The following LIN7A variants were observed in gnomAD, a reference collection of about 807,000 sequenced individuals.
LIN7A encodes lin-7 cell polarity scaffold A.
A neutral mutation model predicts 29.8 loss-of-function variants in LIN7A; 25 were observed. That is an observed-to-expected ratio of 0.84 (90% CI 0.61 to 1.17). LIN7A has a LOEUF of 1.17. LIN7A is among the 50% of genes most tolerant of loss of function. The pLI, the probability that LIN7A is intolerant of heterozygous loss-of-function variation, is 0.00. For synonymous variants in LIN7A, 118 were observed against 107.5 expected (o/e 1.10, Z -0.60); for missense variants, 239 against 287.0 (o/e 0.83, Z 1.21).
intron 4 of LIN7A, among the ~76,000 whole-genome samples, chr12:80,823,271 G>A (rs117120617): frequency 1.2e-3 from 178 of 152,314 alleles, no homozygotes; most frequent in Admixed American, 2.0e-3. Flanking sequence ...TGATGAGAAG[G>A]AGAGAGGAGC....
intron 2 of LIN7A, among the ~76,000 whole-genome samples, chr12:80,857,061 T>C (rs1338331729): frequency 2.6e-5 from 4 of 152,192 alleles, no homozygotes; most frequent in Admixed American, 2.6e-4. Flanking sequence ...ACTAGTGGTA[T>C]TGATAGTGTC....
intron 1 of LIN7A, among the ~76,000 whole-genome samples, chr12:80,901,548 C>T (rs1434965141): frequency 6.6e-6 from 1 of 151,766 alleles, no homozygotes; most frequent in African/African-American, 2.4e-5. Flanking sequence ...AGATTTTTTC[C>T]CTGTAATTAT....
intron 2 of LIN7A, among the ~76,000 whole-genome samples, chr12:80,876,693 A>G (rs573039118): frequency 6.6e-6 from 1 of 152,366 alleles, no homozygotes; most frequent in South Asian, 2.1e-4. Context: ...ATTGCATTGT[A>G]CATTCCATTG....
intron 1 of LIN7A, among the ~76,000 whole-genome samples, chr12:80,916,874 T>C (rs1877054773): frequency 6.6e-6 from 1 of 152,192 alleles, no homozygotes; most frequent in Admixed American, 6.5e-5. Flanking sequence ...TCTGAGGTAC[T>C]TCTTATTTAT....
intron 4 of LIN7A, among the ~76,000 whole-genome samples, chr12:80,826,556 T>G (rs1356773785): frequency 6.6e-6 from 1 of 152,164 alleles, no homozygotes; most frequent in Non-Finnish European, 1.5e-5. Context: ...GGAGTCTTTC[T>G]CTGTGGCTCA....
At chr12:80,894,612 T>C (rs141771944) in intron 1 of LIN7A, among the ~76,000 whole-genome samples, 7 of 152,210 alleles carry the variant, frequency 4.6e-5, no homozygotes, top group African/African-American at 1.7e-4. Flanking sequence ...AAACTACAGA[T>C]AAGGGGATAT....
intron 2 of LIN7A, among the ~76,000 whole-genome samples, chr12:80,875,815 A>G (rs1874655958): frequency 6.6e-6 from 1 of 152,206 alleles, no homozygotes; most frequent in Non-Finnish European, 1.5e-5. Flanking sequence ...TCAGTCTAAT[A>G]AGGTAGATGA....
At chr12:80,798,086 G>A (rs1870538899) in intron 5 of LIN7A, among the ~76,000 whole-genome samples, 1 of 152,184 alleles carries the variant, frequency 6.6e-6, no homozygotes, top group Non-Finnish European at 1.5e-5. Context: ...TTTTAGTAGT[G>A]CTTTTGTTGA....
chr12:80,889,742 A>G (rs1301921534), intron 1 of LIN7A, among the ~76,000 whole-genome samples: 4 of 151,928 alleles, frequency 2.6e-5, no homozygotes, highest in Non-Finnish European at 1.5e-5. Flanking sequence ...TTCCTTTCCC[A>G]TTTCAGTTTG....
rs12426046 is a variant in LIN7A, at chr12:80,882,793, G to T, written c.201+6458C>A. Among the ~76,000 whole-genome samples the T allele has an allele frequency of 1.6e-3, 244 of 152,118 alleles. 2 individuals are homozygous for T. Among genetic ancestry groups the T allele is most frequent in the Admixed American group, 0.013 (194 of 15,264 alleles). On this transcript the variant is annotated intron_variant, in intron 2 of 5. Transcript: ENST00000552864. ...TAAGCTAGGCACTGTATTAGTCAAGGTATGTAATCTGCTATCTCATTTTAT... is the reference window on the plus strand; with the variant it reads ...TAAGCTAGGCACTGTATTAGTCAAGTTATGTAATCTGCTATCTCATTTTAT...
chr12:80,902,217 G>GT (rs11410643), intron 1 of LIN7A, among the ~76,000 whole-genome samples: 59,128 of 125,458 alleles, frequency 0.47, 14,300 homozygotes, highest in East Asian at 0.66. Flanking sequence ...TGGTCTATGT[G>GT]TTTTTTTTTT....
chr12:80,912,874 T>A lies in LIN7A; in HGVS notation c.83-23505A>T, dbSNP rs373176385. ...ATGTGAGCTCACCTCCATACCTGCA[T>A]AAGCATTTTAGAAATTCTAAAACAT... On this transcript the variant is annotated intron_variant, in intron 1 of 5. Coordinates refer to ENST00000552864, the MANE Select transcript of LIN7A (RefSeq NM_004664.4). 2.6e-5 allele frequency among the ~76,000 whole-genome samples: 4 copies of A among 152,328 alleles called. No homozygotes were observed. In the East Asian group the frequency reaches 5.8e-4, roughly 22 times the overall value.
chr12:80,876,290 T>A (rs2120539513), intron 2 of LIN7A, among the ~76,000 whole-genome samples: 1 of 152,194 alleles, frequency 6.6e-6, no homozygotes, highest in Admixed American at 6.5e-5. Flanking sequence ...GATTCCTATG[T>A]GGAGACTATG....
chr12:80,905,828 T>A (rs931548059), intron 1 of LIN7A, among the ~76,000 whole-genome samples: 1 of 152,164 alleles, frequency 6.6e-6, no homozygotes, highest in African/African-American at 2.4e-5. Context: ...GTATTTCATT[T>A]TCTATTTCTT....
At chr12:80,920,107 T>G (rs933237624) in intron 1 of LIN7A, among the ~76,000 whole-genome samples, 5 of 152,094 alleles carry the variant, frequency 3.3e-5, no homozygotes, top group Non-Finnish European at 7.4e-5. Context: ...ATATAGTAAA[T>G]AGTTCACAGA....
At chr12:80,889,083 C>T (rs138407290) in intron 2 of LIN7A, among the ~76,000 whole-genome samples, 168 bp downstream of exon 2, 95 of 152,152 alleles carry the variant, frequency 6.2e-4, no homozygotes, top group African/African-American at 2.2e-3. Flanking sequence ...CTGGCTGGAT[C>T]TAATTTAGCA....
At chr12:80,909,272 A>T (rs1876636099) in intron 1 of LIN7A, among the ~76,000 whole-genome samples, 1 of 152,178 alleles carries the variant, frequency 6.6e-6, no homozygotes, top group East Asian at 1.9e-4. Flanking sequence ...TCAATTAAGC[A>T]CATATTTGTG....
At chr12:80,866,949 C>A (rs756378193) in intron 2 of LIN7A, among the ~76,000 whole-genome samples, 11 of 152,034 alleles carry the variant, frequency 7.2e-5, no homozygotes, top group Non-Finnish European at 1.5e-4. Flanking sequence ...TTACTGGTTC[C>A]CATGTCTCTC....
chr12:80,879,698 C>G (rs1450814388), intron 2 of LIN7A, among the ~76,000 whole-genome samples: 1 of 145,494 alleles, frequency 6.9e-6, no homozygotes, highest in Admixed American at 6.9e-5. Context: ...TTAGACTGAG[C>G]CTTCCTTTAT....
Sources: allele counts gnomAD v4.1 joint callset (sites outside exome capture counted in the v4.1 genomes callset), GRCh38; gene constraint gnomAD v4.1.1; transcripts MANE v1.5; gene names NCBI Gene and HGNC (gene_info 2026-07-23, HGNC 2026-07-21).